The following BLTP1 variants were observed in gnomAD, a reference collection of about 807,000 sequenced individuals.
BLTP1 encodes bridge-like lipid transfer protein family member 1, also known as fragile site-associated protein.
the BLTP1 span, chr4:122,251,199 G>A: frequency 1.5e-3 from 1,365 of 882,210 alleles, 1 homozygote; most frequent in Non-Finnish European, 1.7e-3. Context: ...ACCTTGCAGC[G>A]TTGTGAAGAC....
the BLTP1 span, chr4:122,250,277 A>G: frequency 7.4e-7 from 1 of 1,359,068 alleles, no homozygotes; most frequent in South Asian, 1.4e-5. Flanking sequence ...AATAGTCTTT[A>G]TGAAATTTTA....
At chr4:122,312,689 G>T in the BLTP1 span, 1 of 232,728 alleles carries the variant, frequency 4.3e-6, no homozygotes, top group Non-Finnish European at 7.0e-6. Flanking sequence ...ATAACAAGTA[G>T]ATCCTCTCTC....
the BLTP1 span, chr4:122,229,897 A>G: frequency 3.8e-6 from 6 of 1,578,778 alleles, no homozygotes; most frequent in Non-Finnish European, 5.2e-6. Flanking sequence ...TACAGAAATT[A>G]CACTTTTGTT....
chr4:122,340,900 G>A, the BLTP1 span: 16 of 855,086 alleles, frequency 1.9e-5, no homozygotes, highest in Admixed American at 1.2e-4. Flanking sequence ...AGTGTTGTCA[G>A]CGATAACACT....
the BLTP1 span, among the ~76,000 whole-genome samples, chr4:122,323,056 C>T: frequency 1.3e-5 from 2 of 152,048 alleles, no homozygotes; most frequent in Non-Finnish European, 2.9e-5. Context: ...GTGACTGGGT[C>T]CCCCTGGAGT....
the BLTP1 span, among the ~76,000 whole-genome samples, chr4:122,266,327 A>G: frequency 6.6e-6 from 1 of 152,216 alleles, no homozygotes; most frequent in South Asian, 2.1e-4. Flanking sequence ...AAGTGCTTCC[A>G]TTTAAAAATA....
chr4:122,155,085 C>G, the BLTP1 span: 1 of 234,230 alleles, frequency 4.3e-6, no homozygotes, highest in Non-Finnish European at 7.0e-6. Flanking sequence ...GGTAATAGAG[C>G]AATGGTCTTC....
the BLTP1 span, among the ~76,000 whole-genome samples, chr4:122,357,796 G>A: frequency 2.6e-5 from 4 of 152,090 alleles, no homozygotes; most frequent in African/African-American, 9.7e-5. Flanking sequence ...AATGTAATTT[G>A]TTCAAGTCAC....
the BLTP1 span, chr4:122,184,876 A>T: frequency 3.0e-5 from 30 of 984,356 alleles, no homozygotes; most frequent in Non-Finnish European, 3.4e-5. Context: ...TAGCTGTTGG[A>T]ATACTTTTTC....
chr4:122,159,323 C>T, the BLTP1 span, among the ~76,000 whole-genome samples: 5 of 151,720 alleles, frequency 3.3e-5, no homozygotes, highest in African/African-American at 9.7e-5. Context: ...ATTAGCCGGG[C>T]GTGGTGGCAG....
At chr4:122,182,848 A>T in the BLTP1 span, 1 of 984,760 alleles carries the variant, frequency 1.0e-6, no homozygotes, top group Non-Finnish European at 1.2e-6. Flanking sequence ...TCCCTCTCCC[A>T]GCTTAACACA....
the BLTP1 span, chr4:122,254,288 A>G: frequency 6.2e-7 from 1 of 1,613,644 alleles, no homozygotes; most frequent in South Asian, 1.1e-5. Context: ...CATTAAAGAA[A>G]TTTGGTTTAG....
the BLTP1 span, chr4:122,273,194 T>C: frequency 1.0e-6 from 1 of 953,388 alleles, no homozygotes. Context: ...GTTAACTTTA[T>C]GATTCAGAAA....
chr4:122,230,419 A>C, the BLTP1 span, among the ~76,000 whole-genome samples: 1 of 152,170 alleles, frequency 6.6e-6, no homozygotes, highest in African/African-American at 2.4e-5. Context: ...TAGTTGTTGG[A>C]AATAACATTA....
At chr4:122,276,915 T>C in the BLTP1 span, 130 of 985,276 alleles carry the variant, frequency 1.3e-4, no homozygotes, top group Non-Finnish European at 1.5e-4. Context: ...TTAAATGTGA[T>C]GAACTGGTTC....
At chr4:122,336,737 A>G in the BLTP1 span, 2 of 1,277,966 alleles carry the variant, frequency 1.6e-6, no homozygotes, top group Non-Finnish European at 2.1e-6. Context: ...GAACAGGGAA[A>G]AACGTATAGA....
the BLTP1 span, chr4:122,328,818 T>C: frequency 3.2e-6 from 3 of 950,498 alleles, no homozygotes; most frequent in Non-Finnish European, 3.8e-6. Flanking sequence ...ATGAAATAAA[T>C]GACATATGTG....
the BLTP1 span, chr4:122,239,899 G>A: frequency 6.2e-7 from 1 of 1,613,966 alleles, no homozygotes; most frequent in East Asian, 2.2e-5. Flanking sequence ...CCCATTAGCA[G>A]TGATGAAGGC....
chr4:122,268,628 C>T, the BLTP1 span, among the ~76,000 whole-genome samples: 3 of 152,102 alleles, frequency 2.0e-5, no homozygotes, highest in Non-Finnish European at 2.9e-5. Flanking sequence ...TCTATAACAC[C>T]GTTCAATTGA....
Sources: gnomAD v4.1 joint callset for allele counts (sites outside exome capture counted in the v4.1 genomes callset) on GRCh38, gnomAD v4.1.1 for gene constraint, MANE v1.5 for transcripts, NCBI Gene and HGNC (gene_info 2026-07-23, HGNC 2026-07-21) for gene names.